The following PTPRT variants were observed in gnomAD, a reference collection of about 807,000 sequenced individuals.
PTPRT encodes the protein receptor-type tyrosine-protein phosphatase T.
A neutral mutation model predicts 176.8 loss-of-function variants in PTPRT; 56 were observed. The ratio of observed to expected loss-of-function variants is 0.32; its 90% CI spans 0.26 to 0.40. The LOEUF (loss-of-function observed/expected upper bound fraction) is 0.40, where lower values mean the gene tolerates loss of function less well. Ranked by LOEUF, PTPRT falls within the 10% of genes least tolerant of loss-of-function variation. The pLI, the probability that PTPRT is intolerant of heterozygous loss-of-function variation, is 1.00. For missense variants in PTPRT, 1,540 were observed against 1,908.2 expected, an observed-to-expected ratio of 0.81 and a Z score of 3.60; for synonymous variants, 783 against 739.0, an observed-to-expected ratio of 1.06 and a Z score of -0.96.
intron 7 of PTPRT, among the ~76,000 whole-genome samples, chr20:42,643,108 A>G (rs988510422): frequency 2.6e-5 from 4 of 152,156 alleles, no homozygotes; most frequent in Non-Finnish European, 5.9e-5. Flanking sequence ...CCTGCTAGTT[A>G]ATCCAAGATG....
At chr20:42,902,062 A>G (rs1176104485) in intron 1 of PTPRT, among the ~76,000 whole-genome samples, 1 of 152,146 alleles carries the variant, frequency 6.6e-6, no homozygotes, top group East Asian at 1.9e-4. Flanking sequence ...AAGGCAATCT[A>G]ATAGCTGTCA....
intron 7 of PTPRT, among the ~76,000 whole-genome samples, chr20:42,558,224 A>G (rs2072893526): frequency 6.6e-6 from 1 of 152,018 alleles, no homozygotes; most frequent in Admixed American, 6.6e-5. Context: ...CCCACTTATA[A>G]GTGACAACAC....
chr20:43,065,096 C>T (rs1230568629), intron 1 of PTPRT, among the ~76,000 whole-genome samples: 3 of 152,182 alleles, frequency 2.0e-5, no homozygotes, highest in Non-Finnish European at 2.9e-5. Flanking sequence ...AAGAAGAAAC[C>T]ATCTCCTTCC....
At chr20:42,491,839 C>T (rs185377568) in intron 7 of PTPRT, among the ~76,000 whole-genome samples, 58 of 152,280 alleles carry the variant, frequency 3.8e-4, no homozygotes, top group Admixed American at 3.3e-3. Flanking sequence ...CACCCTTTCT[C>T]TCCTCCCTGC....
chr20:42,376,192 A>G (rs896612045), intron 9 of PTPRT, among the ~76,000 whole-genome samples: 4 of 152,208 alleles, frequency 2.6e-5, no homozygotes, highest in Non-Finnish European at 5.9e-5. Context: ...TCCACCCTGC[A>G]GGGGAGAAAT....
chr20:42,810,225 C>A (rs1373076640), intron 2 of PTPRT, among the ~76,000 whole-genome samples: 3 of 152,136 alleles, frequency 2.0e-5, no homozygotes, highest in Admixed American at 1.3e-4. Flanking sequence ...ACCCAGGAGG[C>A]AGAGGTTGCA....
At chr20:42,115,507 C>G (rs921224242) in intron 21 of PTPRT, among the ~76,000 whole-genome samples, 192 bp from the exon 22 acceptor site, 30 of 152,212 alleles carry the variant, frequency 2.0e-4, no homozygotes, top group Non-Finnish European at 1.3e-4. Context: ...CAAGCTCACT[C>G]CCAGAGGCAC....
chr20:42,574,604 G>T (rs933329975), intron 7 of PTPRT, among the ~76,000 whole-genome samples: 7 of 152,102 alleles, frequency 4.6e-5, no homozygotes, highest in African/African-American at 1.4e-4. Flanking sequence ...GGCAGCCCAG[G>T]TGCTACTCAG....
chr20:42,885,024 G>A (rs1368511504), intron 2 of PTPRT, among the ~76,000 whole-genome samples: 1 of 151,804 alleles, frequency 6.6e-6, no homozygotes, highest in Non-Finnish European at 1.5e-5. Context: ...TCACAGGCCT[G>A]CCCCATGCAG....
At chr20:42,871,677 T>C (rs1319562179) in intron 2 of PTPRT, among the ~76,000 whole-genome samples, 1 of 111,556 alleles carries the variant, frequency 9.0e-6, no homozygotes, top group East Asian at 2.4e-4. Context: ...GTTAAGGATC[T>C]GCTACATGTG....
chr20:42,375,037 G>T (rs752529058), intron 9 of PTPRT, among the ~76,000 whole-genome samples: 2 of 152,172 alleles, frequency 1.3e-5, no homozygotes. Context: ...TTCGACCAAA[G>T]TAATTACCTT....
At chr20:42,717,406 G>C (rs2076242078) in intron 6 of PTPRT, among the ~76,000 whole-genome samples, 1 of 151,996 alleles carries the variant, frequency 6.6e-6, no homozygotes, top group African/African-American at 2.4e-5. Context: ...AAATCAGCTG[G>C]GGAAAGATGA....
intron 7 of PTPRT, chr20:42,606,892 A>G (rs933027021): frequency 2.6e-5 from 4 of 152,232 alleles, no homozygotes; most frequent in African/African-American, 9.6e-5. Flanking sequence ...CCATGCTCAC[A>G]GCAGCTATTC....
At chr20:42,587,522 C>T (rs1481441878) in intron 7 of PTPRT, among the ~76,000 whole-genome samples, 1 of 152,236 alleles carries the variant, frequency 6.6e-6, no homozygotes, top group East Asian at 1.9e-4. Context: ...AACTCTGACC[C>T]TTGCACGGCC....
At chr20:42,704,744 T>G (rs6030425) in intron 6 of PTPRT, among the ~76,000 whole-genome samples, 2,288 of 152,240 alleles carry the variant, frequency 0.015, 58 homozygotes, top group African/African-American at 0.053. Flanking sequence ...ACTGTAATTA[T>G]GCATAACCCC....
At chr20:43,090,500 C>A (rs558221698) in intron 1 of PTPRT, among the ~76,000 whole-genome samples, 9 of 152,224 alleles carry the variant, frequency 5.9e-5, no homozygotes, top group African/African-American at 2.2e-4. Context: ...GATATTCTGA[C>A]CTCGTGATCC....
At chr20:43,061,087 A>AATGGATGG (rs3030304) in intron 1 of PTPRT, among the ~76,000 whole-genome samples, 36,181 of 149,844 alleles carry the variant, frequency 0.24, 4,366 homozygotes, top group Non-Finnish European at 0.27. Flanking sequence ...CGGATAAATG[A>AATGGATGG]ATGGATGGAT....
chr20:42,818,759 A>G (rs768060530), intron 2 of PTPRT, among the ~76,000 whole-genome samples: 1 of 152,216 alleles, frequency 6.6e-6, no homozygotes, highest in Non-Finnish European at 1.5e-5. Flanking sequence ...AGCATACACA[A>G]GCATCAACAG....
At chr20:42,100,123 C>T (rs954525418) in intron 26 of PTPRT, among the ~76,000 whole-genome samples, 2 of 152,222 alleles carry the variant, frequency 1.3e-5, no homozygotes, top group African/African-American at 4.8e-5. Flanking sequence ...CAAAATGGGA[C>T]AGTGCAAGTC....
Sources: gnomAD v4.1 joint callset for allele counts (sites outside exome capture counted in the v4.1 genomes callset) on GRCh38, gnomAD v4.1.1 for gene constraint, MANE v1.5 for transcripts, NCBI Gene and HGNC (gene_info 2026-07-23, HGNC 2026-07-21) for gene names.